SHANK2: variants seen among roughly 807,000 people sequenced by gnomAD.
The protein encoded by SHANK2 is SH3 and multiple ankyrin repeat domains 2.
Under a neutral mutation model 133.7 loss-of-function variants are expected in SHANK2, and 43 were observed. The observed-to-expected ratio is 0.32, with a 90% confidence interval of 0.25 to 0.41. The LOEUF (loss-of-function observed/expected upper bound fraction) is 0.41, where lower values mean the gene tolerates loss of function less well. SHANK2 is among the 10% of genes least tolerant of loss of function. The probability of loss-of-function intolerance (pLI) is 1.00; values close to 1 mark genes in which losing one functional copy is unlikely to be tolerated. For missense variants in SHANK2, 1,994 were observed against 2,235.8 expected (o/e 0.89, Z 2.18); for synonymous variants, 1,017 against 952.8 (o/e 1.07, Z -1.24).
At chr11:70,788,376 G>A (rs1052544504) in intron 14 of SHANK2, among the ~76,000 whole-genome samples, 1 of 152,218 alleles carries the variant, frequency 6.6e-6, no homozygotes, top group Non-Finnish European at 1.5e-5. Context: ...ATATTGAACA[G>A]AAAAGTCCAG....
chr11:70,617,115 G>C (rs2060755558), intron 17 of SHANK2, among the ~76,000 whole-genome samples: 1 of 151,980 alleles, frequency 6.6e-6, no homozygotes, highest in Non-Finnish European at 1.5e-5. Flanking sequence ...GTGTGTGAGT[G>C]TGACTGAGAG....
Position 70,661,583 on chromosome 11 carries a change from C to T in SHANK2, c.1936+13G>A, listed in dbSNP as rs782127282. ...CATGGGAACATATTCAGGCTCAGAG[C>T]GGCTGCTCTTACCTTTGGCCCCTCG... On this transcript the variant is annotated intron_variant, in intron 16 of 25. Transcript: ENST00000601538. 2.7e-5 allele frequency: 43 copies of T among 1,605,736 alleles called. 1 individual carries two copies. The South Asian group carries it at 3.4e-4, about 13-fold the overall frequency.
intron 17 of SHANK2, among the ~76,000 whole-genome samples, chr11:70,643,909 G>A (rs549991931): frequency 1.3e-5 from 2 of 151,426 alleles, no homozygotes; most frequent in South Asian, 4.2e-4. Context: ...CTAAGGGACT[G>A]CAGGTGGAGG....
rs78450507 is a variant in SHANK2 at position 70,533,044 on chromosome 11, C to A, written c.2062-30113G>T. Among the ~76,000 whole-genome samples the A allele has an allele frequency of 4.0e-3, 610 of 152,248 alleles. 3 individuals carry two copies. Among genetic ancestry groups the A allele is most frequent in the African/African-American group, 0.014 (595 of 41,544 alleles). On this transcript the variant is annotated intron_variant, in intron 17 of 25. Coordinates refer to ENST00000601538, the MANE Select transcript of SHANK2 (RefSeq NM_012309.5). ...CATTTCTATGTAATGTCCAGAGTAG[C>A]CAAATTCACAGCGGCGGAAAGCAGA... is the stretch of plus-strand genomic sequence containing the variant.
At position 70,659,816 on chromosome 11, in the gene SHANK2, CTG is replaced by C. The variant is rs2061458404; in HGVS notation, c.2061+10_2061+11del. ...TCCCCAAGCAGAAAGATACAGACAC[CTG>C]TGTCCCTACCTCAATCAAGAAGTCC... is the stretch of plus-strand genomic sequence containing the variant. On this transcript the variant is annotated intron_variant, in intron 17 of 25. Coordinates refer to ENST00000601538, the MANE Select transcript of SHANK2 (RefSeq NM_012309.5). 2 of 1,614,166 alleles carry C rather than the reference CTG, an allele frequency of 1.2e-6. No individual in the cohort carries two copies. Among genetic ancestry groups the C allele is most frequent in the Non-Finnish European group, 1.7e-6 (2 of 1,180,028 alleles).
Position 71,175,551 on chromosome 11 carries a change from GGAGAGAGAGAGAGAGAGAGA to G in SHANK2, c.-12-28233_-12-28214del, listed in dbSNP as rs555218781. 1.7e-4 allele frequency among the ~76,000 whole-genome samples: 7 copies of G among 40,652 alleles called. No homozygotes were observed. The highest frequency in any genetic ancestry group is 5.7e-4 in the African/African-American group (7 of 12,206). 26.7% of individuals were successfully genotyped at this position (40,652 alleles called of 152,430 possible). ...CAGACAGACAGAGGGAGAGGGAGAG[GGAGAGAGAGAGAGAGAGAGA>G]GAGAGAGAGAGAGAGAGAGAGAGAG... is the stretch of plus-strand genomic sequence containing the variant. On this transcript the variant is annotated intron_variant, in intron 2 of 25. Coordinates refer to ENST00000601538, the MANE Select transcript of SHANK2 (RefSeq NM_012309.5). The surrounding 1 kb of genome is among the most constrained non-coding windows in gnomAD (Gnocchi z 4.2).
In SHANK2 at chr11:70,473,084, T is replaced by A. The variant is rs1268117213; in HGVS notation, c.5335A>T (p.Thr1779Ser). 2 of 1,614,134 alleles carry A rather than the reference T, an allele frequency of 1.2e-6. No homozygotes were observed. The highest frequency in any genetic ancestry group is 2.7e-5 in the African/African-American group (2 of 74,944). The change falls in exon 26 of 26, where the codon ACA becomes TCA. Residue 1779 changes from threonine to serine, a missense_variant. Coordinates refer to ENST00000601538, the MANE Select transcript of SHANK2 (RefSeq NM_012309.5). This position sits in a 1 kb window ranked among gnomAD's most constrained non-coding sequence, Gnocchi z 5.9. ...GTCCACAGGTGGACAGGTTTAGTTG[T>A]AAAAGGCTTATTTGAGATTGGCTGT... ...LQQPISNKPF[T>S]TKPVHLWTKP...
intron 14 of SHANK2, 149 bp downstream of exon 14, chr11:70,798,293 AC>A (rs1555049614): frequency 1.5e-6 from 1 of 654,534 alleles, no homozygotes; most frequent in African/African-American, 1.8e-5. Flanking sequence ...AAAGCAACCA[AC>A]CTGTTTCCAA....
rs147672841 is a variant in SHANK2, at chr11:70,894,501, G to GT, written c.1174+1999dup. Among the ~76,000 whole-genome samples the GT allele has an allele frequency of 7.8e-3, 1,181 of 152,280 alleles. 19 individuals are homozygous for GT. Among genetic ancestry groups the GT allele is most frequent in the African/African-American group, 0.028 (1,147 of 41,556 alleles). On this transcript the variant is annotated intron_variant, in intron 11 of 25. Transcript: ENST00000601538. ...CGCGCCTGGCCCCTCCTGTTTTTGA[G>GT]TAGGGGGGTTTAGTGGCTGGACCTT...
At chr11:70,539,272 G>T (rs564234289) in intron 17 of SHANK2, among the ~76,000 whole-genome samples, 1 of 152,348 alleles carries the variant, frequency 6.6e-6, no homozygotes, top group African/African-American at 2.4e-5. Flanking sequence ...GGCCTGGCAT[G>T]ACCTGGTGCC....
chr11:71,083,999 T>C (rs1012123876), intron 8 of SHANK2, among the ~76,000 whole-genome samples: 103 of 150,838 alleles, frequency 6.8e-4, no homozygotes, highest in African/African-American at 2.4e-3. Context: ...AGACAGAGTC[T>C]TGCTCTGTCT....
intron 1 of SHANK2, among the ~76,000 whole-genome samples, chr11:71,229,765 G>GAAAAAAAAAAAAAAAAAAAAA (rs55730780): frequency 1.3e-4 from 15 of 116,526 alleles, no homozygotes; most frequent in South Asian, 2.6e-4. Flanking sequence ...TCTCAAAAAA[G>GAAAAAAAAAAAAAAAAAAAAA]AAAAAAAAAA....
intron 17 of SHANK2, among the ~76,000 whole-genome samples, chr11:70,537,215 A>G (rs1023223068): frequency 2.0e-5 from 3 of 152,326 alleles, no homozygotes; most frequent in South Asian, 4.1e-4. Context: ...TGAGAAGCGG[A>G]GGAGGGAAAC....
In SHANK2 at chr11:71,191,646, G is replaced by A. The variant is rs144775126; in HGVS notation, c.-13+33051C>T. 2.6e-3 allele frequency among the ~76,000 whole-genome samples: 397 copies of A among 152,140 alleles called. 2 individuals are homozygous for A. The highest frequency in any genetic ancestry group is 9.0e-3 in the African/African-American group (373 of 41,480). On this transcript the variant is annotated intron_variant, in intron 2 of 25. Coordinates refer to ENST00000601538, the MANE Select transcript of SHANK2 (RefSeq NM_012309.5). ...GTGATCTCAGCTCACTATAACCTCT[G>A]CCTCCCAGGTTCAAGGGATTCTCCT... is the stretch of plus-strand genomic sequence containing the variant.
chr11:70,875,449 C>CGGGAG (rs1949543860), intron 11 of SHANK2, among the ~76,000 whole-genome samples: 1 of 151,958 alleles, frequency 6.6e-6, no homozygotes, highest in Non-Finnish European at 1.5e-5. Context: ...GGCGTGAACC[C>CGGGAG]GGGAGTGGAG....
At chr11:70,790,260 G>A (rs1353453925) in intron 14 of SHANK2, among the ~76,000 whole-genome samples, 2 of 152,200 alleles carry the variant, frequency 1.3e-5, no homozygotes, top group African/African-American at 4.8e-5. Context: ...CAAGTCCCCA[G>A]TAGGGGAGGT....
Position 70,908,820 on chromosome 11 carries a change from C to A in SHANK2, c.1108-12253G>T, listed in dbSNP as rs367781852. Among the ~76,000 whole-genome samples the A allele has an allele frequency of 1.5e-4, 23 of 152,292 alleles. No individual in the cohort carries two copies. The South Asian group carries it at 4.8e-3, about 32-fold the overall frequency. On this transcript the variant is annotated intron_variant, in intron 10 of 25. Coordinates refer to ENST00000601538, the MANE Select transcript of SHANK2 (RefSeq NM_012309.5). ...TTTCTGACCTAATCAACATCAACGT[C>A]AAACCGCGACCCAACTGATCTACCT... is the stretch of plus-strand genomic sequence containing the variant.
At chr11:70,784,411 C>T (rs1947601050) in intron 14 of SHANK2, among the ~76,000 whole-genome samples, 1 of 119,780 alleles carries the variant, frequency 8.3e-6, no homozygotes, top group East Asian at 2.8e-4. Context: ...TGGTGCAGTG[C>T]AGTAGTGTGA....
intron 11 of SHANK2, among the ~76,000 whole-genome samples, chr11:70,859,228 TG>T (rs1555067351): frequency 6.6e-6 from 1 of 151,644 alleles, no homozygotes; most frequent in African/African-American, 2.4e-5. Flanking sequence ...GGCAAGTGGG[TG>T]AATAGATGTG....
Sources: allele counts gnomAD v4.1 joint callset (sites outside exome capture counted in the v4.1 genomes callset), GRCh38; gene constraint gnomAD v4.1.1; non-coding constraint Gnocchi (gnomAD v3.1); transcripts MANE v1.5; gene names NCBI Gene and HGNC (gene_info 2026-07-23, HGNC 2026-07-21).